ABCC2: variants seen among roughly 807,000 people sequenced by gnomAD.
ABCC2 encodes the protein ATP-binding cassette sub-family C member 2.
ABCC2 carries 157 observed loss-of-function variants against 173.4 expected under a neutral mutation model. The ratio of observed to expected loss-of-function variants is 0.91; its 90% CI spans 0.80 to 1.03. The LOEUF is 1.03. Among genes scored for constraint, ABCC2 ranks in the 50% least tolerant of loss-of-function variants. The pLI, the probability that ABCC2 is intolerant of heterozygous loss-of-function variation, is 0.00. For missense variants in ABCC2, 1,822 were observed against 1,852.3 expected (o/e 0.98, Z 0.30); for synonymous variants, 657 against 693.5 (o/e 0.95, Z 0.83).
chr10:99,850,608 C>T lies in ABCC2; in HGVS notation c.4320C>T (p.Gly1440=). The change falls in exon 31 of 32, where the codon GGC becomes GGT. Residue 1440 remains glycine, a synonymous_variant. Coordinates refer to ENST00000647814, the MANE Select transcript of ABCC2 (RefSeq NM_000392.5). ...VTEAGGNLSI[G]QRQLLCLGRA... ...TTGCTTCTATTGGCTGCAGCATAGG[C>T]CAGAGGCAGCTGCTGTGCCTGGGCA... 6.2e-7 allele frequency: 1 copy of T among 1,614,030 alleles called. No homozygotes were observed. The highest frequency in any genetic ancestry group is 8.5e-7 in the Non-Finnish European group (1 of 1,180,004).
chr10:99,849,979 C>A (rs1038179975), intron 30 of ABCC2, among the ~76,000 whole-genome samples: 3 of 152,186 alleles, frequency 2.0e-5, no homozygotes, highest in Non-Finnish European at 2.9e-5. Context: ...TATTTGAATT[C>A]CACATACATT....
chr10:99,786,526 A>T (rs2037712795), intron 2 of ABCC2, among the ~76,000 whole-genome samples: 1 of 152,226 alleles, frequency 6.6e-6, no homozygotes, highest in Non-Finnish European at 1.5e-5. Flanking sequence ...CTCTTTTACA[A>T]AATACTTTAT....
chr10:99,793,949 A>T lies in ABCC2; in HGVS notation c.526A>T (p.Ile176Phe). Residue 176 changes from isoleucine to phenylalanine, a missense_variant, in exon 5 of 32, where the codon ATC becomes TTC. Transcript: ENST00000647814. ...CLFFISYGFQ[I>F]LILIFSAFSE... ...GTTCTTCATCTCCTACGGATTCCAGATCCTGATCCTGATCTTTTCAGCATT... is the reference window on the plus strand; with the variant it reads ...GTTCTTCATCTCCTACGGATTCCAGTTCCTGATCCTGATCTTTTCAGCATT... The T allele has an allele frequency of 3.1e-6, 5 of 1,613,836 alleles. No individual in the cohort carries two copies. Among genetic ancestry groups the T allele is most frequent in the Middle Eastern group, 1.7e-4 (1 of 6,060 alleles).
rs773654587 is a variant in ABCC2 at position 99,832,149 on chromosome 10, T to C, written c.3258+18T>C. On this transcript the variant is annotated intron_variant, in intron 23 of 31. Coordinates refer to ENST00000647814, the MANE Select transcript of ABCC2 (RefSeq NM_000392.5). ...TTGCCGGCGTAAGTATCTCAAGAACTGTCAGGTGGTGTGTTTATATACTGA... is the reference window on the plus strand; with the variant it reads ...TTGCCGGCGTAAGTATCTCAAGAACCGTCAGGTGGTGTGTTTATATACTGA... The C allele has an allele frequency of 9.3e-6, 15 of 1,614,112 alleles. No homozygotes were observed. Among genetic ancestry groups the C allele is most frequent in the Non-Finnish European group, 1.2e-5 (14 of 1,179,986 alleles).
intron 30 of ABCC2, among the ~76,000 whole-genome samples, chr10:99,848,564 C>T (rs1257828588): frequency 1.3e-5 from 2 of 152,312 alleles, no homozygotes; most frequent in South Asian, 2.1e-4. Flanking sequence ...TCTGGCTTCA[C>T]CTGGGAGCTT....
intron 19 of ABCC2, among the ~76,000 whole-genome samples, chr10:99,819,610 A>G (rs753916126): frequency 2.0e-5 from 3 of 152,162 alleles, no homozygotes; most frequent in African/African-American, 7.2e-5. Flanking sequence ...CCATGTTCCT[A>G]TTGACTCTAG....
chr10:99,791,891 T>C (rs926431331), intron 2 of ABCC2, among the ~76,000 whole-genome samples: 1 of 152,218 alleles, frequency 6.6e-6, no homozygotes, highest in African/African-American at 2.4e-5. Context: ...TCACACGCTG[T>C]CACTTCTGCC....
In ABCC2 at chr10:99,792,251, T is replaced by C. The variant is rs2132966039; in HGVS notation, c.225T>C (p.Leu75=). ...CTTCTCAGGTATTCGTTGGTTTTCTTCTTATTCTAGCAGCCATAGAGCTGG... is the reference window on the plus strand; with the variant it reads ...CTTCTCAGGTATTCGTTGGTTTTCTCCTTATTCTAGCAGCCATAGAGCTGG... ...YLAKQVFVGF[L]LILAAIELAL... is the part of the protein sequence containing the mutation. The change falls in exon 3 of 32, where the codon CTT becomes CTC. Residue 75 remains leucine (L), a synonymous_variant. Transcript: ENST00000647814. The C allele has an allele frequency of 6.2e-7, 1 of 1,614,096 alleles. No homozygotes were observed.
At chr10:99,833,556 G>A (rs1354643502) in intron 23 of ABCC2, among the ~76,000 whole-genome samples, 1 of 152,160 alleles carries the variant, frequency 6.6e-6, no homozygotes, top group African/African-American at 2.4e-5. Flanking sequence ...GAGACTCTGT[G>A]CCAGGTAAGG....
chr10:99,850,656 G>T lies in ABCC2; in HGVS notation c.4368G>T (p.Lys1456Asn). The change falls in exon 31 of 32, where the codon AAG (lysine) becomes AAT (asparagine). Residue 1456 changes from lysine (K) to asparagine (N), a missense_variant. By Grantham distance (94) the Lys-to-Asn change is moderately conservative. Transcript: ENST00000647814. ...CLGRALLRKS[K>N]ILVLDEATAA... ...GCAGGGCTCTGCTTCGGAAATCCAA[G>T]ATCCTGGTCCTGGATGAGGCCACTG... The T allele has an allele frequency of 6.2e-7, 1 of 1,614,246 alleles. No homozygotes were observed.
In ABCC2 at chr10:99,807,438, CG is replaced by C; in HGVS notation, c.1587del (p.Lys530ArgfsTer16). The C allele has an allele frequency of 6.2e-7, 1 of 1,614,076 alleles. No homozygotes were observed. Among genetic ancestry groups the C allele is most frequent in the South Asian group, 1.1e-5 (1 of 91,084 alleles). ...PSFRDQVQNL[R>X]KKELKNLLAF... Reference sequence around the variant, plus strand: ...ATTCAGAGACCAAGTACAAAACCTCCGGAAGAAAGAGCTCAAGAACCTGCTG... The same window carrying C: ...ATTCAGAGACCAAGTACAAAACCTCCGAAGAAAGAGCTCAAGAACCTGCTG... On this transcript the variant is annotated frameshift_variant, in exon 12 of 32. Transcript: ENST00000647814. LOFTEE classifies it high-confidence loss of function.
chr10:99,792,133 C>T (rs1450502869), intron 2 of ABCC2, 101 bp from the exon 3 acceptor site: 1 of 1,415,844 alleles, frequency 7.1e-7, no homozygotes, highest in Admixed American at 1.7e-5. Flanking sequence ...TTATCTGAAT[C>T]ACTGCATACC....
chr10:99,808,108 A>G lies in ABCC2; in HGVS notation c.1694A>G (p.Tyr565Cys). 6.2e-7 allele frequency: 1 copy of G among 1,614,096 alleles called. No individual in the cohort carries two copies. Among genetic ancestry groups the G allele is most frequent in the Non-Finnish European group, 8.5e-7 (1 of 1,179,994 alleles). Residue 565 changes from tyrosine (Y) to cysteine (C), a missense_variant, in exon 13 of 32, where the codon TAT becomes TGT. Transcript: ENST00000647814. ...VLVSVVTFSV[Y>C]VLVDSNNILD... ...GTATCTGTGGTCACATTTTCTGTTTATGTCCTGGTGGATAGCAACAATATT... is the reference window on the plus strand; with the variant it reads ...GTATCTGTGGTCACATTTTCTGTTTGTGTCCTGGTGGATAGCAACAATATT...
chr10:99,849,294 C>T (rs72838146), intron 30 of ABCC2, among the ~76,000 whole-genome samples: 8,205 of 152,292 alleles, frequency 0.054, 250 homozygotes, highest in Middle Eastern at 0.18. Flanking sequence ...AGAGACACAA[C>T]CCTGACTTCC....
At chr10:99,800,795 G>T (rs1202940229) in intron 9 of ABCC2, among the ~76,000 whole-genome samples, 1 of 152,218 alleles carries the variant, frequency 6.6e-6, no homozygotes, top group African/African-American at 2.4e-5. Flanking sequence ...GGAGAAGCCT[G>T]CAAGCTGTTC....
At chr10:99,834,943 C>G (rs1290394139) in intron 24 of ABCC2, among the ~76,000 whole-genome samples, 1 of 152,220 alleles carries the variant, frequency 6.6e-6, no homozygotes, top group Non-Finnish European at 1.5e-5. Flanking sequence ...ACAGGCATAG[C>G]TGCTTGGAGA....
chr10:99,840,760 C>T (rs529845360), intron 25 of ABCC2, among the ~76,000 whole-genome samples: 1 of 152,318 alleles, frequency 6.6e-6, no homozygotes, highest in East Asian at 1.9e-4. Flanking sequence ...CATGATCCGC[C>T]CGCCTCAGCC....
intron 2 of ABCC2, among the ~76,000 whole-genome samples, chr10:99,791,883 A>C (rs913808936): frequency 2.0e-5 from 3 of 152,214 alleles, no homozygotes; most frequent in Admixed American, 6.5e-5. Flanking sequence ...CTTGGAAGTC[A>C]CACGCTGTCA....
intron 14 of ABCC2, 35 bp from the exon 15 acceptor site, chr10:99,811,501 C>T: frequency 6.2e-7 from 1 of 1,610,650 alleles, no homozygotes; most frequent in Middle Eastern, 1.7e-4. Context: ...ACGTGGGGAC[C>T]TACATTGGAC....
Sources: gnomAD v4.1 joint callset for allele counts (sites outside exome capture counted in the v4.1 genomes callset) on GRCh38, gnomAD v4.1.1 for gene constraint, MANE v1.5 for transcripts, NCBI Gene and HGNC (gene_info 2026-07-23, HGNC 2026-07-21) for gene names.